Variants in LPP observed in about 807,000 individuals in gnomAD.
LPP encodes lipoma-preferred partner.
A neutral mutation model predicts 60.4 loss-of-function variants in LPP; 38 were observed. That is an observed-to-expected ratio of 0.63 (90% confidence interval 0.49 to 0.83). LPP has a LOEUF of 0.83. Among genes scored for constraint, LPP ranks in the 40% least tolerant of loss-of-function variants. The pLI is 0.00. For missense variants in LPP, 902 were observed against 783.6 expected, an observed-to-expected ratio of 1.15 and a Z score of -1.80; for synonymous variants, 328 against 290.8, an observed-to-expected ratio of 1.13 and a Z score of -1.30.
At chr3:188,713,700 C>G (rs1038568808) in intron 8 of LPP, among the ~76,000 whole-genome samples, 1 of 152,132 alleles carries the variant, frequency 6.6e-6, no homozygotes, top group African/African-American at 2.4e-5. Context: ...AGAATCACCT[C>G]AGGTTAAAAC....
intron 3 of LPP, among the ~76,000 whole-genome samples, chr3:188,346,283 G>A (rs1474597759): frequency 1.0e-4 from 11 of 105,776 alleles, no homozygotes; most frequent in African/African-American, 1.5e-4. Context: ...TTTTTGAGAC[G>A]GAGTCTCGCT....
intron 9 of LPP, among the ~76,000 whole-genome samples, chr3:188,847,459 C>A (rs1761720273): frequency 6.6e-6 from 1 of 152,120 alleles, no homozygotes; most frequent in Non-Finnish European, 1.5e-5. Context: ...GTCAGAAACC[C>A]AGAAAGAAGA....
At chr3:188,612,218 T>C (rs183946775) in intron 7 of LPP, among the ~76,000 whole-genome samples, 1 of 152,138 alleles carries the variant, frequency 6.6e-6, no homozygotes, top group East Asian at 1.9e-4. Flanking sequence ...TGGTTAGAGG[T>C]TGATATTTAG....
At chr3:188,691,114 A>G (rs11921222) in intron 7 of LPP, among the ~76,000 whole-genome samples, 3 of 152,246 alleles carry the variant, frequency 2.0e-5, no homozygotes, top group African/African-American at 7.2e-5. Context: ...GTGCTGACTA[A>G]TGCAGTATCT....
intron 5 of LPP, among the ~76,000 whole-genome samples, chr3:188,513,033 C>A (rs943568563): frequency 2.6e-5 from 4 of 152,144 alleles, no homozygotes; most frequent in Non-Finnish European, 4.4e-5. Flanking sequence ...AAAAGTAAAC[C>A]TTTTCTCCCC....
intron 1 of LPP, among the ~76,000 whole-genome samples, chr3:188,196,250 A>G (rs952753974): frequency 6.6e-6 from 1 of 152,116 alleles, no homozygotes; most frequent in Non-Finnish European, 1.5e-5. Flanking sequence ...TCCAGTTTGG[A>G]ACTCCTGAAC....
chr3:188,872,470 T>C (rs2152047316), intron 10 of LPP, among the ~76,000 whole-genome samples, 173 bp from the exon 11 acceptor site: 1 of 152,242 alleles, frequency 6.6e-6, no homozygotes, highest in Non-Finnish European at 1.5e-5. Context: ...AATATCACAA[T>C]ATTTACCACC....
intron 7 of LPP, among the ~76,000 whole-genome samples, chr3:188,688,260 A>C (rs1442802161): frequency 6.6e-6 from 1 of 152,228 alleles, no homozygotes; most frequent in African/African-American, 2.4e-5. Context: ...ATTAATAGCA[A>C]AAGAGGATTG....
chr3:188,447,245 T>C (rs1795432541), intron 4 of LPP, among the ~76,000 whole-genome samples: 1 of 152,144 alleles, frequency 6.6e-6, no homozygotes, highest in South Asian at 2.1e-4. Context: ...TTTATAGAAA[T>C]TTCCCACATG....
intron 7 of LPP, among the ~76,000 whole-genome samples, chr3:188,641,130 G>A (rs779034435): frequency 6.6e-6 from 1 of 151,908 alleles, no homozygotes; most frequent in Non-Finnish European, 1.5e-5. Context: ...TGATTTGCAG[G>A]AAACTGCGTT....
intron 9 of LPP, among the ~76,000 whole-genome samples, chr3:188,772,041 A>T (rs1321754111): frequency 2.6e-5 from 4 of 152,244 alleles, no homozygotes; most frequent in African/African-American, 4.8e-5. Context: ...CTCCTGGGAC[A>T]GCAGGGAGTT....
intron 7 of LPP, among the ~76,000 whole-genome samples, chr3:188,705,416 C>T (rs1049958680): frequency 6.6e-6 from 1 of 152,038 alleles, no homozygotes; most frequent in Non-Finnish European, 1.5e-5. Context: ...CTTGTTCCTC[C>T]TCTCAAATAT....
At chr3:188,821,622 A>C (rs1186809823) in intron 9 of LPP, among the ~76,000 whole-genome samples, 1 of 152,080 alleles carries the variant, frequency 6.6e-6, no homozygotes, top group East Asian at 1.9e-4. Context: ...TATATAGTGA[A>C]TGTATTCATT....
intron 2 of LPP, among the ~76,000 whole-genome samples, chr3:188,242,022 A>T (rs190395711): frequency 6.6e-6 from 1 of 152,278 alleles, no homozygotes; most frequent in Non-Finnish European, 1.5e-5. Flanking sequence ...GATGAGGCCA[A>T]ATCGCAGGGT....
chr3:188,391,441 T>C (rs1779677176), intron 3 of LPP, among the ~76,000 whole-genome samples: 1 of 152,138 alleles, frequency 6.6e-6, no homozygotes, highest in Non-Finnish European at 1.5e-5. Flanking sequence ...AAAATATCAT[T>C]ATTGCCCATA....
intron 9 of LPP, among the ~76,000 whole-genome samples, chr3:188,847,613 C>T (rs1363681028): frequency 6.6e-6 from 1 of 152,038 alleles, no homozygotes; most frequent in Non-Finnish European, 1.5e-5. Context: ...TTGTTATGAC[C>T]CAAGCAGTTG....
intron 3 of LPP, among the ~76,000 whole-genome samples, chr3:188,405,033 C>G (rs1260035790): frequency 6.6e-6 from 1 of 152,208 alleles, no homozygotes; most frequent in East Asian, 1.9e-4. Flanking sequence ...GCTGATTGTT[C>G]CCCTCCTAGT....
At chr3:188,760,978 A>G (rs936278365) in intron 9 of LPP, among the ~76,000 whole-genome samples, 1 of 152,204 alleles carries the variant, frequency 6.6e-6, no homozygotes, top group Non-Finnish European at 1.5e-5. Context: ...TTACAATGCT[A>G]CTTACTTAAT....
At chr3:188,679,554 T>C (rs867263865) in intron 7 of LPP, among the ~76,000 whole-genome samples, 2 of 129,564 alleles carry the variant, frequency 1.5e-5, no homozygotes, top group South Asian at 2.5e-4. Flanking sequence ...TGTGTGTGTG[T>C]GTGTGTGTGC....
Sources: allele counts gnomAD v4.1 joint callset (sites outside exome capture counted in the v4.1 genomes callset), GRCh38; gene constraint gnomAD v4.1.1; transcripts MANE v1.5; gene names NCBI Gene and HGNC (gene_info 2026-07-23, HGNC 2026-07-21).